SEPTIN11: variants seen among roughly 807,000 people sequenced by gnomAD.
SEPTIN11 encodes septin 11.
A neutral mutation model predicts 51.4 loss-of-function variants in SEPTIN11; 25 were observed. The ratio of observed to expected loss-of-function variants is 0.49; its 90% confidence interval spans 0.35 to 0.68. The LOEUF (loss-of-function observed/expected upper bound fraction) is 0.68. Ranked by LOEUF, SEPTIN11 falls within the 30% of genes least tolerant of loss-of-function variation. The pLI is 0.00. For synonymous variants in SEPTIN11, 174 were observed against 184.1 expected, an observed-to-expected ratio of 0.95 and a Z score of 0.44; for missense variants, 381 against 520.8, an observed-to-expected ratio of 0.73 and a Z score of 2.61.
chr4:77,036,403 G>C lies in SEPTIN11; in HGVS notation c.*1891G>C, dbSNP rs1390956096. The stretch of plus-strand genomic sequence containing the variant: ...GCATCAGACAAAAGCTTGAATATTT[G>C]TGTTGTATGCTTGTTCCAACCACCG... On this transcript the variant is annotated 3_prime_UTR_variant, in exon 10 of 10. Transcript: ENST00000264893. 1 of 1,106,462 alleles carries C rather than the reference G, an allele frequency of 9.0e-7. No individual in the cohort carries two copies. The highest frequency in any genetic ancestry group is 1.1e-6 in the Non-Finnish European group (1 of 904,582). 68.5% of individuals were successfully genotyped at this position (1,106,462 alleles called of 1,614,324 possible). A position where few individuals can be genotyped will look rare whatever the true frequency, so the allele number is the denominator to read the frequency against.
At chr4:76,996,631 A>G in intron 2 of SEPTIN11, 92 bp downstream of exon 2, 1 of 914,616 alleles carries the variant, frequency 1.1e-6, no homozygotes, top group Non-Finnish European at 1.7e-6. Flanking sequence ...AATAAGAATG[A>G]CATGTTTATT....
intron 1 of SEPTIN11, among the ~76,000 whole-genome samples, chr4:76,986,461 A>C (rs893756276): frequency 1.3e-4 from 20 of 152,214 alleles, no homozygotes; most frequent in Non-Finnish European, 1.8e-4. Context: ...ATGGGCAAGA[A>C]AAGTGTGTAA....
At chr4:76,965,582 ATACT>A (rs144116189) in intron 1 of SEPTIN11, among the ~76,000 whole-genome samples, 4,259 of 151,588 alleles carry the variant, frequency 0.028, 95 homozygotes, top group East Asian at 0.11. Flanking sequence ...ATTATAGGAA[ATACT>A]TATTTTAATA....
At chr4:77,025,961 C>CT (rs1726105634) in intron 7 of SEPTIN11, among the ~76,000 whole-genome samples, 2 of 152,280 alleles carry the variant, frequency 1.3e-5, no homozygotes, top group South Asian at 4.2e-4. Flanking sequence ...GCTCCTTAGG[C>CT]TTTCTCTGGG....
At chr4:76,955,967 G>A (rs1721541886) in intron 1 of SEPTIN11, among the ~76,000 whole-genome samples, 1 of 152,206 alleles carries the variant, frequency 6.6e-6, no homozygotes, top group South Asian at 2.1e-4. Context: ...TGGACTTCAA[G>A]TGGCAATCAG....
intron 1 of SEPTIN11, among the ~76,000 whole-genome samples, chr4:76,960,367 T>A (rs536372964): frequency 6.6e-6 from 1 of 152,350 alleles, no homozygotes; most frequent in African/African-American, 2.4e-5. Context: ...CTGAGCCCTC[T>A]AAAGAAGTCT....
chr4:77,012,059 C>A (rs181009186), intron 4 of SEPTIN11, 138 bp downstream of exon 4: 13 of 510,010 alleles, frequency 2.5e-5, no homozygotes, highest in Admixed American at 8.1e-5. Context: ...ATGAGAAAAA[C>A]GCTTCAAAAC....
intron 1 of SEPTIN11, among the ~76,000 whole-genome samples, chr4:76,964,791 G>A (rs1721965172): frequency 6.6e-6 from 1 of 152,204 alleles, no homozygotes; most frequent in East Asian, 1.9e-4. Flanking sequence ...CATTATTTCT[G>A]TGCAATATTT....
intron 2 of SEPTIN11, among the ~76,000 whole-genome samples, chr4:77,000,614 A>C (rs1307456241): frequency 6.6e-6 from 1 of 152,234 alleles, no homozygotes; most frequent in African/African-American, 2.4e-5. Flanking sequence ...AACATACGAC[A>C]GATTTATAGT....
chr4:77,016,497 TATATATAGC>T (rs1276244966), intron 5 of SEPTIN11, among the ~76,000 whole-genome samples: 1 of 146,152 alleles, frequency 6.8e-6, no homozygotes, highest in Non-Finnish European at 1.5e-5. Context: ...TATATGTGTA[TATATATAGC>T]ATATATATAT....
At chr4:76,957,163 G>T (rs1033719123) in intron 1 of SEPTIN11, among the ~76,000 whole-genome samples, 1 of 152,064 alleles carries the variant, frequency 6.6e-6, no homozygotes, top group Non-Finnish European at 1.5e-5. Flanking sequence ...GCTGCTCTCT[G>T]ATGACCTCAG....
intron 1 of SEPTIN11, among the ~76,000 whole-genome samples, chr4:76,980,120 T>C (rs1288519936): frequency 6.6e-6 from 1 of 152,158 alleles, no homozygotes; most frequent in Non-Finnish European, 1.5e-5. Context: ...GTAGAGCCTG[T>C]TGCCTTTTTT....
chr4:77,008,976 A>G (rs1724676911), intron 3 of SEPTIN11, among the ~76,000 whole-genome samples: 1 of 152,266 alleles, frequency 6.6e-6, no homozygotes, highest in Non-Finnish European at 1.5e-5. Flanking sequence ...GAAGAGGCAG[A>G]TAATTCATCT....
chr4:76,974,871 C>G (rs1722414520), intron 1 of SEPTIN11: 1 of 456,256 alleles, frequency 2.2e-6, no homozygotes. Flanking sequence ...GCCTGTAATC[C>G]CAACACTTTG....
chr4:76,963,119 A>T (rs1322082821), intron 1 of SEPTIN11, among the ~76,000 whole-genome samples: 2 of 152,228 alleles, frequency 1.3e-5, no homozygotes, highest in East Asian at 3.8e-4. Context: ...TCCAATAAAG[A>T]GAGTGGGAGG....
chr4:76,964,402 A>G (rs916774477), intron 1 of SEPTIN11, among the ~76,000 whole-genome samples: 2 of 150,610 alleles, frequency 1.3e-5, no homozygotes, highest in African/African-American at 4.9e-5. Context: ...CCCTTCTCTA[A>G]CCTCTTCCCT....
intron 3 of SEPTIN11, among the ~76,000 whole-genome samples, chr4:77,006,230 A>C (rs957127607): frequency 1.9e-4 from 29 of 152,146 alleles, no homozygotes; most frequent in African/African-American, 6.3e-4. Flanking sequence ...AAGCTCCACC[A>C]AATCTGCCCC....
In SEPTIN11 at chr4:77,014,929, T is replaced by A; in HGVS notation, c.599T>A (p.Ile200Asn). 6.2e-7 allele frequency: 1 copy of A among 1,614,148 alleles called. No individual in the cohort carries two copies. The highest frequency in any genetic ancestry group is 8.5e-7 in the Non-Finnish European group (1 of 1,179,994). Residue 200 changes from isoleucine to asparagine, a missense_variant, in exon 5 of 10, where the codon ATC becomes AAC. This residue lies in a region of SEPTIN11 where 197 missense variants were observed against 313.1 expected (regional missense o/e 0.63). Coordinates refer to ENST00000264893, the MANE Select transcript of SEPTIN11 (RefSeq NM_018243.4). ...GAACTGCACAAATTCAAGAGTAAGATCATGAGTGAACTGGTCAGCAATGGG... is the reference window on the plus strand; with the variant it reads ...GAACTGCACAAATTCAAGAGTAAGAACATGAGTGAACTGGTCAGCAATGGG... ...KNELHKFKSK[I>N]MSELVSNGVQ...
At chr4:76,988,063 C>G (rs1050791915) in intron 1 of SEPTIN11, among the ~76,000 whole-genome samples, 1 of 152,198 alleles carries the variant, frequency 6.6e-6, no homozygotes, top group African/African-American at 2.4e-5. Flanking sequence ...GGTACTGCTG[C>G]TCAGAAAGAC....
Sources: allele counts gnomAD v4.1 joint callset (sites outside exome capture counted in the v4.1 genomes callset), GRCh38; gene constraint gnomAD v4.1.1; regional missense constraint gnomAD v4.1.1; transcripts MANE v1.5; gene names NCBI Gene and HGNC (gene_info 2026-07-23, HGNC 2026-07-21).